Variants in NPAS2 observed in about 807,000 individuals in gnomAD.
The protein encoded by NPAS2 is neuronal PAS domain protein 2.
In NPAS2, 23 loss-of-function variants were observed where a neutral mutation model predicts 107.5. The observed-to-expected ratio is 0.21, with a 90% CI of 0.15 to 0.30. NPAS2 has a LOEUF of 0.30. Ranked by LOEUF, NPAS2 falls within the 10% of genes least tolerant of loss-of-function variation. NPAS2 has a pLI of 1.00. For missense variants in NPAS2, 756 were observed against 1,043.3 expected (o/e 0.72, Z 3.79); for synonymous variants, 403 against 417.5 (o/e 0.97, Z 0.42).
At chr2:100,867,294 A>C (rs1338080037) in intron 1 of NPAS2, among the ~76,000 whole-genome samples, 3 of 152,200 alleles carry the variant, frequency 2.0e-5, no homozygotes, top group Non-Finnish European at 4.4e-5. Context: ...ACTATGATAG[A>C]GTTGTCAGTT....
intron 1 of NPAS2, among the ~76,000 whole-genome samples, chr2:100,868,900 A>G (rs1185272396): frequency 1.3e-5 from 2 of 152,040 alleles, no homozygotes; most frequent in Non-Finnish European, 2.9e-5. Flanking sequence ...TTTAAGCCTC[A>G]TGTTTATATC....
chr2:100,925,109 G>A (rs1372734742), intron 2 of NPAS2, 37 bp from the exon 3 acceptor site: 1 of 1,580,936 alleles, frequency 6.3e-7, no homozygotes, highest in Non-Finnish European at 8.6e-7. Flanking sequence ...TTTGTGACGT[G>A]GAATGTTCCA....
intron 3 of NPAS2, among the ~76,000 whole-genome samples, chr2:100,930,723 CTAGCGTTAACAAA>C (rs1463816683): frequency 8.5e-5 from 13 of 152,052 alleles, no homozygotes; most frequent in Admixed American, 2.6e-4. Context: ...TGTTATTATG[CTAGCGTTAACAAA>C]ATACCCAGTC....
chr2:100,960,211 G>A (rs1412016281), intron 7 of NPAS2, among the ~76,000 whole-genome samples: 1 of 152,098 alleles, frequency 6.6e-6, no homozygotes, highest in African/African-American at 2.4e-5. Context: ...TGAAGTTACA[G>A]TGTAATGAAA....
chr2:100,838,342 A>G (rs538091427), intron 1 of NPAS2, among the ~76,000 whole-genome samples: 30 of 152,100 alleles, frequency 2.0e-4, no homozygotes, highest in African/African-American at 7.2e-4. Flanking sequence ...TAGTGGTGCA[A>G]TCTCAGCTCA....
chr2:100,909,709 A>G (rs911713489), intron 2 of NPAS2, among the ~76,000 whole-genome samples: 2 of 150,238 alleles, frequency 1.3e-5, no homozygotes, highest in South Asian at 4.2e-4. Flanking sequence ...AAAAAATGGC[A>G]GTAAAACATC....
chr2:100,960,794 T>A (rs1675872248), intron 7 of NPAS2, among the ~76,000 whole-genome samples: 1 of 152,070 alleles, frequency 6.6e-6, no homozygotes, highest in African/African-American at 2.4e-5. Context: ...TGAGATGGTG[T>A]CTTCCCGAAC....
chr2:100,990,858 G>A lies in NPAS2; in HGVS notation c.2097G>A (p.Thr699=), dbSNP rs745825703. The change falls in exon 19 of 21, where the codon ACG becomes ACA. Residue 699 remains threonine, a synonymous_variant. Coordinates refer to ENST00000335681, the MANE Select transcript of NPAS2 (RefSeq NM_002518.4). ...GGCAGCCCTCGGAAGTCAGCAGGAC[G>A]GGACGGCAAGTCAAGTACGTGGACC... is the stretch of plus-strand genomic sequence containing the variant. ...DARQPSEVSR[T]GRQVKYAQSQ... is the part of the protein sequence containing the mutation. The A allele has an allele frequency of 5.1e-5, 83 of 1,614,006 alleles. No homozygotes were observed. The highest frequency in any genetic ancestry group is 2.4e-4 in the African/African-American group (18 of 74,924).
intron 1 of NPAS2, among the ~76,000 whole-genome samples, chr2:100,881,767 C>T (rs989525370): frequency 3.3e-5 from 5 of 152,120 alleles, no homozygotes; most frequent in African/African-American, 9.7e-5. Flanking sequence ...TCTGAACAAT[C>T]GCTGGTTTGT....
intron 1 of NPAS2, among the ~76,000 whole-genome samples, chr2:100,834,440 G>A (rs72627416): frequency 0.044 from 6,758 of 152,228 alleles, 412 homozygotes; most frequent in East Asian, 0.31. Flanking sequence ...GACACGGACC[G>A]TCCACTTGAC....
At chr2:100,977,317 T>C (rs1185867274) in intron 14 of NPAS2, among the ~76,000 whole-genome samples, 3 of 152,208 alleles carry the variant, frequency 2.0e-5, no homozygotes, top group Admixed American at 2.0e-4. Flanking sequence ...CAGCTCATGG[T>C]AGCAGTCCAC....
intron 7 of NPAS2, among the ~76,000 whole-genome samples, chr2:100,955,295 A>G (rs1675502254): frequency 6.6e-6 from 1 of 152,160 alleles, no homozygotes; most frequent in South Asian, 2.1e-4. Flanking sequence ...TTTTATATAT[A>G]TGTATAAATA....
At chr2:100,940,886 C>T (rs934623818) in intron 5 of NPAS2, among the ~76,000 whole-genome samples, 1 of 152,118 alleles carries the variant, frequency 6.6e-6, no homozygotes, top group Non-Finnish European at 1.5e-5. Context: ...GGTCGCTCCT[C>T]GAGGAAGAGG....
At chr2:100,857,232 A>G (rs1019162042) in intron 1 of NPAS2, among the ~76,000 whole-genome samples, 1 of 145,294 alleles carries the variant, frequency 6.9e-6, no homozygotes, top group Non-Finnish European at 1.5e-5. Flanking sequence ...CAGGAGGCGG[A>G]GGTTGCAGTG....
At chr2:100,858,636 A>C (rs1199382065) in intron 1 of NPAS2, among the ~76,000 whole-genome samples, 3 of 152,162 alleles carry the variant, frequency 2.0e-5, no homozygotes. Context: ...CATAAAAATT[A>C]ATTACAGAAA....
chr2:100,983,622 TCAGA>T (rs1677604398), intron 16 of NPAS2: 1 of 152,454 alleles, frequency 6.6e-6, no homozygotes, highest in Non-Finnish European at 1.5e-5. Context: ...CAGGCTTCAC[TCAGA>T]CAGCCTGGGC....
In NPAS2 at chr2:100,844,517, G is replaced by A. The variant is rs112101084; in HGVS notation, c.-23+24103G>A. Among the ~76,000 whole-genome samples, 287 of 152,204 alleles carry A rather than the reference G, an allele frequency of 1.9e-3. 1 individual carries two copies. The highest frequency in any genetic ancestry group is 6.6e-3 in the African/African-American group (275 of 41,522). On this transcript the variant is annotated intron_variant, in intron 1 of 20. Coordinates refer to ENST00000335681, the MANE Select transcript of NPAS2 (RefSeq NM_002518.4). ...TGAACAGTTTTCTGCATGATTCCCCGCCAGCTCTGCAGGTATAAAAGGTGT... is the reference window on the plus strand; with the variant it reads ...TGAACAGTTTTCTGCATGATTCCCCACCAGCTCTGCAGGTATAAAAGGTGT...
At chr2:100,958,444 T>C (rs1282281492) in intron 7 of NPAS2, among the ~76,000 whole-genome samples, 1 of 151,734 alleles carries the variant, frequency 6.6e-6, no homozygotes, top group Non-Finnish European at 1.5e-5. Context: ...GTGGAAGGAG[T>C]GTCTCATCTA....
rs34286637 is a variant in NPAS2, at chr2:100,952,852, GT to G, written c.598+3388del. 9.4e-3 allele frequency among the ~76,000 whole-genome samples: 1,254 copies of G among 133,454 alleles called. 15 individuals carry two copies. The highest frequency in any genetic ancestry group is 0.028 in the African/African-American group (983 of 35,062). The allele number at this position is 133,454 out of a possible 152,430, so 87.6% of individuals were successfully genotyped here. ...AGAATGTGTGGAAATTATGTGTGAGGTTTTTTTTTTTTTTTTGGAAACTATT... is the reference window on the plus strand; with the variant it reads ...AGAATGTGTGGAAATTATGTGTGAGGTTTTTTTTTTTTTTTGGAAACTATT... On this transcript the variant is annotated intron_variant, in intron 7 of 20. Coordinates refer to ENST00000335681, the MANE Select transcript of NPAS2 (RefSeq NM_002518.4).
Sources: gnomAD v4.1 joint callset for allele counts (sites outside exome capture counted in the v4.1 genomes callset) on GRCh38, gnomAD v4.1.1 for gene constraint, MANE v1.5 for transcripts, NCBI Gene and HGNC (gene_info 2026-07-23, HGNC 2026-07-21) for gene names.